Variants in PSG8 observed in about 807,000 individuals in gnomAD.
PSG8 encodes the protein pregnancy specific beta-1-glycoprotein 8, also known as pregnancy-specific beta-1-glycoprotein 8.
A neutral mutation model predicts 42.5 loss-of-function variants in PSG8; 57 were observed. That is an observed-to-expected ratio of 1.34 (90% CI 1.08 to 1.67). PSG8 has a LOEUF of 1.67. Ranked by LOEUF, PSG8 falls within the 40% of genes most tolerant of loss-of-function variation. The pLI is 0.00. For synonymous variants in PSG8, 280 were observed against 196.8 expected, an observed-to-expected ratio of 1.42 and a Z score of -3.54; for missense variants, 783 against 518.6, an observed-to-expected ratio of 1.51 and a Z score of -4.95.
intron 1 of PSG8, among the ~76,000 whole-genome samples, chr19:42,764,503 A>T (rs1293772581): frequency 1.3e-5 from 2 of 151,224 alleles, no homozygotes; most frequent in Non-Finnish European, 2.9e-5. Flanking sequence ...CAGCCCCATG[A>T]CCCCCATTCC....
At chr19:42,763,674 G>A (rs1281266187) in intron 2 of PSG8, 1 of 727,392 alleles carries the variant, frequency 1.4e-6, no homozygotes, top group Non-Finnish European at 2.2e-6. Context: ...CTCCTGCTGA[G>A]TCCCCCCATC....
chr19:42,763,832 A>G (rs540460277), intron 2 of PSG8, 84 bp downstream of exon 2: 41 of 1,604,632 alleles, frequency 2.6e-5, no homozygotes, highest in South Asian at 1.8e-4. Flanking sequence ...GACACAGGCA[A>G]TGTCCAGGCC....
intron 3 of PSG8, 79 bp downstream of exon 3, chr19:42,757,923 G>A: frequency 2.5e-6 from 4 of 1,613,698 alleles, no homozygotes; most frequent in Non-Finnish European, 3.4e-6. Flanking sequence ...TTGGACCTGA[G>A]AGGGACTGAG....
Position 42,754,260 on chromosome 19 carries a change from TC to T in PSG8, c.*34del, listed in dbSNP as rs781429816. On this transcript the variant is annotated 3_prime_UTR_variant, in exon 5 of 5. Coordinates refer to ENST00000306511, the MANE Select transcript of PSG8 (RefSeq NM_182707.3). ...ACGCAGGCTGGGAATAAAAATGTTT[TC>T]CTGACTCTTCCCTGAAGGCCAGATA... 3 of 1,605,108 alleles carry T rather than the reference TC, an allele frequency of 1.9e-6. No individual in the cohort carries two copies. The African/African-American group carries it at 4.0e-5, about 22-fold the overall frequency.
At chr19:42,761,285 C>G (rs556008607) in intron 2 of PSG8, among the ~76,000 whole-genome samples, 36 of 152,290 alleles carry the variant, frequency 2.4e-4, no homozygotes, top group African/African-American at 8.2e-4. Flanking sequence ...CTCCATAAAA[C>G]TAACACCCTT....
downstream of PSG8, chr19:42,753,967 A>G (rs1969844159): frequency 3.3e-6 from 2 of 614,722 alleles, no homozygotes; most frequent in East Asian, 8.3e-5. Context: ...AGTTTATTGA[A>G]CTGCTATAAG....
chr19:42,761,456 C>T (rs1970071164), intron 2 of PSG8, among the ~76,000 whole-genome samples: 1 of 152,120 alleles, frequency 6.6e-6, no homozygotes, highest in Admixed American at 6.6e-5. Context: ...CTAATTGCTC[C>T]TATAGATAAC....
chr19:42,756,383 G>C (rs1472329110), intron 3 of PSG8, among the ~76,000 whole-genome samples: 1 of 152,148 alleles, frequency 6.6e-6, no homozygotes, highest in Non-Finnish European at 1.5e-5. Context: ...CTAGAGATCT[G>C]CTGTAGAGCT....
At chr19:42,761,267 A>G (rs960408524) in intron 2 of PSG8, among the ~76,000 whole-genome samples, 4 of 152,180 alleles carry the variant, frequency 2.6e-5, no homozygotes, top group African/African-American at 9.7e-5. Flanking sequence ...CAAGAATGAT[A>G]ATAGTTCCTC....
At chr19:42,754,710 C>G in intron 4 of PSG8, 123 bp from the exon 5 acceptor site, 7 of 1,331,400 alleles carry the variant, frequency 5.3e-6, no homozygotes, top group Non-Finnish European at 7.1e-6. Flanking sequence ...GCCCAACCCC[C>G]TCTATGTTCA....
intron 3 of PSG8, among the ~76,000 whole-genome samples, chr19:42,756,943 C>T (rs1016456237): frequency 6.6e-6 from 1 of 151,726 alleles, no homozygotes; most frequent in African/African-American, 2.4e-5. Flanking sequence ...ATCTTTCTAA[C>T]AATATTGATT....
In PSG8 at chr19:42,763,948, C is replaced by A; in HGVS notation, c.398G>T (p.Gly133Val). 6.2e-7 allele frequency: 1 copy of A among 1,613,684 alleles called. No homozygotes were observed. Among genetic ancestry groups the A allele is most frequent in the Non-Finnish European group, 8.5e-7 (1 of 1,179,786 alleles). ...GGTGAAGGTGAAATGTCCAGTTACT[C>A]CTCTATTCTCATCACCTCCCATTAT... ...HIIMGGDENR[G>V]VTGHFTFTLY... Residue 133 changes from glycine to valine, a missense_variant, in exon 2 of 5, where the codon GGA (glycine) becomes GTA (valine). Physicochemically the swap from Gly to Val is moderately radical, Grantham distance 109 (BLOSUM62 -3). Transcript: ENST00000306511.
intron 1 of PSG8, among the ~76,000 whole-genome samples, chr19:42,764,850 A>G (rs2122290077): frequency 6.6e-6 from 1 of 151,382 alleles, no homozygotes; most frequent in African/African-American, 2.4e-5. Context: ...TAGATGTGAG[A>G]GTTCTCAGGG....
intron 2 of PSG8, among the ~76,000 whole-genome samples, chr19:42,759,320 G>T (rs573285526): frequency 2.0e-5 from 3 of 152,114 alleles, no homozygotes; most frequent in African/African-American, 7.2e-5. Context: ...CTACGAGCTG[G>T]GATCAGGGCA....
At position 42,758,148 on chromosome 19, in the gene PSG8, G is replaced by C. The variant is rs766646869; in HGVS notation, c.563C>G (p.Pro188Arg). 1.2e-6 allele frequency: 2 copies of C among 1,613,994 alleles called. No individual in the cohort carries two copies. The highest frequency in any genetic ancestry group is 1.1e-5 in the South Asian group (1 of 91,062). ...AGACAACTGCAACCTGTGAGACATAGGGAGGCTCTGACCATTCATCCACCA... is the reference window on the plus strand; with the variant it reads ...AGACAACTGCAACCTGTGAGACATACGGAGGCTCTGACCATTCATCCACCA... ...YLWWMNGQSL[P>R]MSHRLQLSET... The change falls in exon 3 of 5, where the codon CCT becomes CGT. Residue 188 changes from proline to arginine, a missense_variant. Pro to Arg is a moderately radical substitution (Grantham distance 103, BLOSUM62 -2). Coordinates refer to ENST00000306511, the MANE Select transcript of PSG8 (RefSeq NM_182707.3).
rs144941698 is a variant in PSG8 at position 42,762,132 on chromosome 19, A to G, written c.430+1784T>C. On this transcript the variant is annotated intron_variant, in intron 2 of 4. Transcript: ENST00000306511. Reference sequence around the variant, plus strand: ...AGGGAACAGAACAGCCAGCCTAGTCAGAGGGAGTGTCTGGGGAAGGCCTAG... The same window carrying G: ...AGGGAACAGAACAGCCAGCCTAGTCGGAGGGAGTGTCTGGGGAAGGCCTAG... 5.7e-4 allele frequency among the ~76,000 whole-genome samples: 87 copies of G among 151,590 alleles called. No homozygotes were observed. The East Asian group carries it at 0.016, about 28-fold the overall frequency.
At chr19:42,761,172 G>T (rs527281002) in intron 2 of PSG8, among the ~76,000 whole-genome samples, 1 of 152,314 alleles carries the variant, frequency 6.6e-6, no homozygotes, top group Non-Finnish European at 1.5e-5. Flanking sequence ...CTGGCATCTA[G>T]TCTCAGGCTG....
intron 2 of PSG8, chr19:42,758,529 G>A (rs1969991949): frequency 7.3e-6 from 6 of 820,450 alleles, no homozygotes; most frequent in South Asian, 4.2e-5. Context: ...GTCATGGAAA[G>A]ACACAGGACC....
intron 3 of PSG8, 74 bp downstream of exon 3, chr19:42,757,928 A>G: frequency 6.2e-7 from 1 of 1,613,672 alleles, no homozygotes; most frequent in Non-Finnish European, 8.5e-7. Flanking sequence ...CCTGAGAGGG[A>G]CTGAGAGGCC....
Sources: allele counts gnomAD v4.1 joint callset (sites outside exome capture counted in the v4.1 genomes callset), GRCh38; gene constraint gnomAD v4.1.1; transcripts MANE v1.5; gene names NCBI Gene and HGNC (gene_info 2026-07-23, HGNC 2026-07-21).